The following NRG3 variants were observed in gnomAD, a reference collection of about 807,000 sequenced individuals.
The protein encoded by NRG3 is neuregulin 3.
NRG3 carries 31 observed loss-of-function variants against 66.9 expected under a neutral mutation model. The ratio of observed to expected loss-of-function variants is 0.46; its 90% CI spans 0.35 to 0.63. The LOEUF is 0.63. Among genes scored for constraint, NRG3 ranks in the 20% least tolerant of loss-of-function variants. The pLI is 0.00. For synonymous variants in NRG3, 393 were observed against 359.4 expected (o/e 1.09, Z -1.06); for missense variants, 910 against 878.9 (o/e 1.04, Z -0.45).
intron 2 of NRG3, among the ~76,000 whole-genome samples, chr10:82,400,279 G>T (rs919277818): frequency 1.3e-5 from 2 of 152,098 alleles, no homozygotes; most frequent in Admixed American, 1.3e-4. Flanking sequence ...CTAAGCACTA[G>T]ATGTATATTT....
intron 1 of NRG3, among the ~76,000 whole-genome samples, chr10:82,153,535 A>G (rs1564615190): frequency 6.6e-6 from 1 of 151,746 alleles, no homozygotes. Context: ...GAGTGCAGGT[A>G]TCTCTTTGAC....
intron 2 of NRG3, among the ~76,000 whole-genome samples, chr10:82,630,757 G>A (rs2049772386): frequency 1.3e-5 from 2 of 151,594 alleles, no homozygotes; most frequent in Non-Finnish European, 2.9e-5. Context: ...TATTTCTCTT[G>A]GTTATTATAA....
At chr10:82,393,060 T>C (rs1410269253) in intron 2 of NRG3, among the ~76,000 whole-genome samples, 1 of 152,008 alleles carries the variant, frequency 6.6e-6, no homozygotes, top group Admixed American at 6.5e-5. Context: ...GTTGATCAAA[T>C]GCTCTGACTT....
chr10:82,869,189 T>C (rs1841046263), intron 4 of NRG3, among the ~76,000 whole-genome samples: 1 of 152,236 alleles, frequency 6.6e-6, no homozygotes. Flanking sequence ...TTTGTGTGTG[T>C]GTGTGTCAAT....
At chr10:81,986,512 A>G (rs2060524267) in intron 1 of NRG3, among the ~76,000 whole-genome samples, 1 of 152,178 alleles carries the variant, frequency 6.6e-6, no homozygotes, top group Non-Finnish European at 1.5e-5. Context: ...AATATGAAAA[A>G]TCCAGTGAAA....
intron 1 of NRG3, among the ~76,000 whole-genome samples, chr10:82,056,707 T>A (rs952202656): frequency 1.3e-5 from 2 of 152,200 alleles, no homozygotes; most frequent in African/African-American, 2.4e-5. Context: ...TTTGTTTAAA[T>A]AGAAATGTTT....
chr10:82,647,958 T>C (rs1276085928), intron 2 of NRG3, among the ~76,000 whole-genome samples: 1 of 147,876 alleles, frequency 6.8e-6, no homozygotes, highest in Non-Finnish European at 1.5e-5. Context: ...GTAGGTTGCC[T>C]GTTCACTCTG....
rs982287238 is a variant in NRG3 at position 82,585,828 on chromosome 10, T to C, written c.954-152749T>C. 5.3e-5 allele frequency among the ~76,000 whole-genome samples: 8 copies of C among 152,298 alleles called. No individual in the cohort carries two copies. In the East Asian group the frequency reaches 5.8e-4, roughly 11 times the overall value. Reference sequence around the variant, plus strand: ...CTGAAGCACTTTTTAGTGTGCTCTATCAATTGAATATTATAGTGTTCATAT... The same window carrying C: ...CTGAAGCACTTTTTAGTGTGCTCTACCAATTGAATATTATAGTGTTCATAT... On this transcript the variant is annotated intron_variant, in intron 2 of 8. Coordinates refer to ENST00000372141, the MANE Select transcript of NRG3 (RefSeq NM_001010848.4).
chr10:82,508,752 G>A (rs181652612), intron 2 of NRG3, among the ~76,000 whole-genome samples: 22 of 152,250 alleles, frequency 1.4e-4, no homozygotes, highest in African/African-American at 4.1e-4. Flanking sequence ...ATGCTGGAAC[G>A]ATAAGCATAA....
intron 3 of NRG3, among the ~76,000 whole-genome samples, chr10:82,859,752 T>C (rs1410196044): frequency 2.0e-5 from 3 of 152,222 alleles, no homozygotes; most frequent in Non-Finnish European, 4.4e-5. Context: ...TTAAATGTTC[T>C]CACCGCATAA....
chr10:82,131,984 G>T (rs2068856689), intron 1 of NRG3, among the ~76,000 whole-genome samples: 1 of 152,050 alleles, frequency 6.6e-6, no homozygotes, highest in Admixed American at 6.6e-5. Flanking sequence ...CTGCAAGCAA[G>T]GATAATTTGA....
intron 1 of NRG3, among the ~76,000 whole-genome samples, chr10:82,189,756 C>G (rs760212904): frequency 5.9e-5 from 9 of 151,770 alleles, no homozygotes; most frequent in African/African-American, 1.2e-4. Flanking sequence ...CACCACTGCA[C>G]TCCAGCCTGG....
intron 1 of NRG3, among the ~76,000 whole-genome samples, chr10:81,973,809 C>T (rs1023361171): frequency 9.2e-5 from 14 of 152,006 alleles, no homozygotes; most frequent in African/African-American, 2.9e-4. Flanking sequence ...AGATATTAGA[C>T]CTTTGTCAGA....
At chr10:82,142,894 A>G (rs1215334280) in intron 1 of NRG3, among the ~76,000 whole-genome samples, 1 of 140,540 alleles carries the variant, frequency 7.1e-6, no homozygotes, top group Non-Finnish European at 1.5e-5. Flanking sequence ...AGCTGAGACT[A>G]TGGGTGTGTG....
chr10:82,570,615 T>C (rs1418007334), intron 2 of NRG3, among the ~76,000 whole-genome samples: 1 of 151,508 alleles, frequency 6.6e-6, no homozygotes, highest in South Asian at 2.1e-4. Flanking sequence ...ACCATAAATA[T>C]TAATGGGCAT....
intron 1 of NRG3, among the ~76,000 whole-genome samples, chr10:82,138,426 G>C (rs1456441523): frequency 6.6e-6 from 1 of 152,232 alleles, no homozygotes. Flanking sequence ...AAGCAAGCAA[G>C]ACCATTTGGT....
At chr10:82,069,951 A>G (rs2064709366) in intron 1 of NRG3, among the ~76,000 whole-genome samples, 1 of 152,196 alleles carries the variant, frequency 6.6e-6, no homozygotes, top group Non-Finnish European at 1.5e-5. Flanking sequence ...CAGGAAAATC[A>G]TGTGATGCTT....
intron 2 of NRG3, among the ~76,000 whole-genome samples, chr10:82,451,814 A>G (rs1479159394): frequency 6.6e-6 from 1 of 152,170 alleles, no homozygotes; most frequent in East Asian, 1.9e-4. Flanking sequence ...AAGAGGCAAA[A>G]AGACCATGTG....
intron 1 of NRG3, among the ~76,000 whole-genome samples, chr10:82,357,724 A>G (rs1242578982): frequency 6.6e-6 from 1 of 152,198 alleles, no homozygotes; most frequent in Non-Finnish European, 1.5e-5. Flanking sequence ...CCCATCTTCA[A>G]ATATCATCAA....
Sources: allele counts gnomAD v4.1 joint callset (sites outside exome capture counted in the v4.1 genomes callset), GRCh38; gene constraint gnomAD v4.1.1; transcripts MANE v1.5; gene names NCBI Gene and HGNC (gene_info 2026-07-23, HGNC 2026-07-21).